The following CSMD3 variants were observed in gnomAD, a reference collection of about 807,000 sequenced individuals.
CSMD3 encodes CUB and sushi domain-containing protein 3.
In CSMD3, 177 loss-of-function variants were observed where a neutral mutation model predicts 435.2. The observed-to-expected ratio is 0.41, with a 90% CI of 0.36 to 0.46. The LOEUF (loss-of-function observed/expected upper bound fraction) is 0.46. CSMD3 is among the 20% of genes least tolerant of loss of function. CSMD3 has a pLI of 0.34. For missense variants in CSMD3, 4,265 were observed against 4,504.6 expected, an observed-to-expected ratio of 0.95 and a Z score of 1.52; for synonymous variants, 1,656 against 1,520.5, an observed-to-expected ratio of 1.09 and a Z score of -2.07.
chr8:113,200,355 C>A (rs969971920), intron 3 of CSMD3, among the ~76,000 whole-genome samples: 4 of 151,812 alleles, frequency 2.6e-5, no homozygotes, highest in Non-Finnish European at 5.9e-5. Flanking sequence ...ACTTGGAATA[C>A]CTATTTCCAT....
intron 13 of CSMD3, among the ~76,000 whole-genome samples, chr8:112,771,829 G>A (rs2078124215): frequency 6.6e-6 from 1 of 151,144 alleles, no homozygotes; most frequent in African/African-American, 2.4e-5. Context: ...AAATGAATAG[G>A]AATAGAAAAA....
chr8:113,035,616 A>G (rs1241185652), intron 5 of CSMD3, among the ~76,000 whole-genome samples: 1 of 152,038 alleles, frequency 6.6e-6, no homozygotes, highest in African/African-American at 2.4e-5. Context: ...TTTATGCATA[A>G]GAATGAAATT....
At chr8:113,047,078 G>C (rs1356651548) in intron 5 of CSMD3, among the ~76,000 whole-genome samples, 1 of 152,210 alleles carries the variant, frequency 6.6e-6, no homozygotes, top group Admixed American at 6.5e-5. Context: ...GGCCTCCACG[G>C]AAGAAGAGGA....
chr8:112,644,955 T>C (rs560463030), intron 20 of CSMD3, among the ~76,000 whole-genome samples, 154 bp downstream of exon 20: 34 of 152,292 alleles, frequency 2.2e-4, no homozygotes, highest in African/African-American at 8.2e-4. Context: ...ATATAATTTT[T>C]GTGGCAATTA....
chr8:112,777,685 G>A (rs2078279829), intron 13 of CSMD3, among the ~76,000 whole-genome samples: 1 of 151,654 alleles, frequency 6.6e-6, no homozygotes, highest in South Asian at 2.1e-4. Context: ...TCGCTACTAG[G>A]GATATATCAA....
intron 16 of CSMD3, among the ~76,000 whole-genome samples, chr8:112,672,740 T>G (rs1239456784): frequency 1.3e-5 from 2 of 152,150 alleles, no homozygotes; most frequent in Non-Finnish European, 2.9e-5. Flanking sequence ...TTTATCTAGT[T>G]TTATTTTTCT....
rs192736577 is a variant in CSMD3, at chr8:113,264,432, G to A, written c.514+14160C>T. ...TATATATATATGAAGGAAATTCATT[G>A]TGAAACAGGATTACATAATAAGTTT... On this transcript the variant is annotated intron_variant, in intron 3 of 70. Coordinates refer to ENST00000297405, the MANE Select transcript of CSMD3 (RefSeq NM_198123.2). Among the ~76,000 whole-genome samples the A allele has an allele frequency of 2.9e-3, 439 of 151,008 alleles. 2 individuals carry two copies. Among genetic ancestry groups the A allele is most frequent in the African/African-American group, 9.8e-3 (404 of 41,372 alleles).
At chr8:112,412,536 C>T (rs571016922) in intron 32 of CSMD3, among the ~76,000 whole-genome samples, 2 of 151,892 alleles carry the variant, frequency 1.3e-5, no homozygotes, top group South Asian at 4.2e-4. Flanking sequence ...CATTTTTTTT[C>T]TTCTTTAAAC....
At chr8:112,774,964 T>C (rs1178247094) in intron 13 of CSMD3, among the ~76,000 whole-genome samples, 1 of 151,956 alleles carries the variant, frequency 6.6e-6, no homozygotes, top group African/African-American at 2.4e-5. Context: ...GTTACCATTA[T>C]GCTTCAGAAA....
intron 3 of CSMD3, among the ~76,000 whole-genome samples, chr8:113,205,413 T>A (rs1026535934): frequency 1.3e-5 from 2 of 152,156 alleles, no homozygotes; most frequent in African/African-American, 2.4e-5. Flanking sequence ...GAATTCAAGA[T>A]GAGATGTGGG....
intron 4 of CSMD3, among the ~76,000 whole-genome samples, chr8:113,161,602 A>G (rs1032554862): frequency 6.6e-6 from 1 of 152,082 alleles, no homozygotes; most frequent in Non-Finnish European, 1.5e-5. Flanking sequence ...ACAAACCTAT[A>G]TATTGCTGGT....
chr8:113,019,520 G>A (rs1454210035), intron 5 of CSMD3, among the ~76,000 whole-genome samples: 2 of 148,636 alleles, frequency 1.3e-5, no homozygotes, highest in African/African-American at 4.9e-5. Context: ...TTATTAATAT[G>A]TTATATATTG....
intron 19 of CSMD3, among the ~76,000 whole-genome samples, chr8:112,647,385 T>A (rs1482542804): frequency 6.7e-6 from 1 of 150,316 alleles, no homozygotes; most frequent in Non-Finnish European, 1.5e-5. Flanking sequence ...CCCTGAAAGC[T>A]CCGCCCCCCG....
chr8:112,854,225 G>T (rs112583330), intron 11 of CSMD3, among the ~76,000 whole-genome samples: 4 of 151,844 alleles, frequency 2.6e-5, no homozygotes, highest in African/African-American at 9.6e-5. Flanking sequence ...TGTCAGTGTA[G>T]TCATTCATAT....
At chr8:113,195,791 TTA>T (rs749886578) in intron 3 of CSMD3, among the ~76,000 whole-genome samples, 3,489 of 125,942 alleles carry the variant, frequency 0.028, 67 homozygotes, top group African/African-American at 0.058. Flanking sequence ...ATCCTATATT[TTA>T]TATATATATA....
intron 28 of CSMD3, among the ~76,000 whole-genome samples, chr8:112,509,111 G>A (rs377534221): frequency 1.4e-5 from 2 of 146,116 alleles, no homozygotes; most frequent in African/African-American, 2.5e-5. Flanking sequence ...TTTCGATACA[G>A]GGTCTCACTC....
chr8:112,855,809 C>CAT (rs2080638648), intron 11 of CSMD3, among the ~76,000 whole-genome samples: 1 of 135,572 alleles, frequency 7.4e-6, no homozygotes, highest in Non-Finnish European at 1.6e-5. Context: ...CTTAGCGAAG[C>CAT]TTTTTTTTTT....
chr8:112,873,423 C>T (rs2130079642), intron 10 of CSMD3, among the ~76,000 whole-genome samples: 1 of 152,056 alleles, frequency 6.6e-6, no homozygotes, highest in East Asian at 1.9e-4. Context: ...ATGTTATTTC[C>T]TTCATCAGAA....
At chr8:113,098,016 G>A (rs539294655) in intron 5 of CSMD3, among the ~76,000 whole-genome samples, 4 of 152,072 alleles carry the variant, frequency 2.6e-5, no homozygotes, top group Non-Finnish European at 4.4e-5. Flanking sequence ...ACAGCGAATC[G>A]AGTCCCTCTT....
Sources: gnomAD v4.1 joint callset for allele counts (sites outside exome capture counted in the v4.1 genomes callset) on GRCh38, gnomAD v4.1.1 for gene constraint, MANE v1.5 for transcripts, NCBI Gene and HGNC (gene_info 2026-07-23, HGNC 2026-07-21) for gene names.